The following KCNN2 variants were observed in gnomAD, a reference collection of about 807,000 sequenced individuals.
KCNN2 encodes the protein small conductance calcium-activated potassium channel protein 2.
Under a neutral mutation model 55.5 loss-of-function variants are expected in KCNN2, and 24 were observed. That is an observed-to-expected ratio of 0.43 (90% confidence interval 0.31 to 0.61). KCNN2 has a LOEUF of 0.61. Ranked by LOEUF, KCNN2 falls within the 20% of genes least tolerant of loss-of-function variation. KCNN2 has a pLI of 0.08. For missense variants in KCNN2, 754 were observed against 853.6 expected (o/e 0.88, Z 1.45); for synonymous variants, 431 against 336.1 (o/e 1.28, Z -3.09).
chr5:114,354,557 CTGAAACACTGGT>C (rs1561582174), intron 2 of KCNN2, among the ~76,000 whole-genome samples: 1 of 152,060 alleles, frequency 6.6e-6, no homozygotes. Context: ...TCTAAGGAAA[CTGAAACACTGGT>C]TGAAACACTG....
At chr5:114,081,428 C>T (rs2112541014) in intron 1 of KCNN2, among the ~76,000 whole-genome samples, 1 of 152,234 alleles carries the variant, frequency 6.6e-6, no homozygotes, top group East Asian at 1.9e-4. Context: ...GTAGTACTGG[C>T]ATACAGACAT....
Position 114,368,013 on chromosome 5 carries a change from A to G in KCNN2, c.1218+4012A>G, listed in dbSNP as rs1757653528. On this transcript the variant is annotated intron_variant, in intron 2 of 7. Transcript: ENST00000673685. ...TTTGTAATGTACAGCTGACTTTTGA[A>G]CAACATGGGTGAACTGTGTGGATCC... is the stretch of plus-strand genomic sequence containing the variant. Among the ~76,000 whole-genome samples, 3 of 152,198 alleles carry G rather than the reference A, an allele frequency of 2.0e-5. No individual in the cohort carries two copies. In the South Asian group the frequency reaches 6.2e-4, roughly 32 times the overall value.
At chr5:114,198,359 G>GGTGTGTATATATACATATATACATATAT (rs1561519182) in intron 1 of KCNN2, among the ~76,000 whole-genome samples, 8 of 145,868 alleles carry the variant, frequency 5.5e-5, no homozygotes, top group Middle Eastern at 3.4e-3. Context: ...TATATACATA[G>GGTGTGTATATATACATATATACATATAT]GTGTGTATAT....
intron 3 of KCNN2, among the ~76,000 whole-genome samples, chr5:114,447,821 C>CT (rs1760481934): frequency 6.6e-6 from 1 of 152,204 alleles, no homozygotes; most frequent in Non-Finnish European, 1.5e-5. Flanking sequence ...GAAGGGTGCG[C>CT]TTTTTCCTTT....
chr5:114,112,669 T>TC (rs11429500), intron 1 of KCNN2, among the ~76,000 whole-genome samples: 32,385 of 151,932 alleles, frequency 0.21, 3,944 homozygotes, highest in African/African-American at 0.34. Flanking sequence ...TTCAAGATTG[T>TC]ATTTGTATTA....
In KCNN2 at chr5:114,249,151, C is replaced by G. The variant is rs541797267; in HGVS notation, c.-185+27586C>G. Among the ~76,000 whole-genome samples, 5 of 152,184 alleles carry G rather than the reference C, an allele frequency of 3.3e-5. No individual in the cohort carries two copies. In the East Asian group the frequency reaches 7.7e-4, roughly 24 times the overall value. ...AAAATAGCAAGACATTCTCTAAGTT[C>G]TGCTGATGATTCAATGGAGATTAAC... On this transcript the variant is annotated intron_variant, in intron 2 of 10. Coordinates refer to the KCNN2 transcript ENST00000512097.
chr5:114,294,446 A>T (rs1345002687), intron 2 of KCNN2, among the ~76,000 whole-genome samples: 2 of 151,940 alleles, frequency 1.3e-5, no homozygotes, highest in African/African-American at 4.8e-5. Context: ...TCATTTCCTT[A>T]TGTACCCAGT....
chr5:114,312,416 CACACACACACACACACACATAT>C (rs1756409921), intron 2 of KCNN2, among the ~76,000 whole-genome samples: 10 of 77,200 alleles, frequency 1.3e-4, no homozygotes, highest in Admixed American at 9.4e-4. Flanking sequence ...CACACACACA[CACACACACACACACACACATAT>C]ATATATATAT....
At chr5:114,190,020 G>A (rs74639272) in intron 1 of KCNN2, among the ~76,000 whole-genome samples, 516 of 152,054 alleles carry the variant, frequency 3.4e-3, no homozygotes, top group African/African-American at 0.012. Context: ...TAACATCACA[G>A]CATGGAAGGA....
At chr5:114,238,898 G>A (rs572999955) in intron 2 of KCNN2, among the ~76,000 whole-genome samples, 1 of 152,160 alleles carries the variant, frequency 6.6e-6, no homozygotes, top group South Asian at 2.1e-4. Context: ...GATAATCTTT[G>A]ATGTGATTTA....
At chr5:114,373,168 G>A (rs1757813626) in intron 2 of KCNN2, among the ~76,000 whole-genome samples, 1 of 152,176 alleles carries the variant, frequency 6.6e-6, no homozygotes, top group South Asian at 2.1e-4. Context: ...TCTAGGTCCA[G>A]TGTGCCAGGT....
intron 1 of KCNN2, among the ~76,000 whole-genome samples, chr5:114,197,672 G>T (rs567374117): frequency 6.6e-6 from 1 of 152,278 alleles, no homozygotes; most frequent in East Asian, 1.9e-4. Flanking sequence ...TGCAACATGA[G>T]GCTGGGAGGC....
At chr5:114,343,715 T>C (rs1202507424) in intron 2 of KCNN2, among the ~76,000 whole-genome samples, 1 of 149,800 alleles carries the variant, frequency 6.7e-6, no homozygotes, top group Non-Finnish European at 1.5e-5. Context: ...CAACATGGTG[T>C]GGGGGGAACA....
At chr5:114,238,407 T>A (rs1376447190) in intron 2 of KCNN2, among the ~76,000 whole-genome samples, 1 of 151,970 alleles carries the variant, frequency 6.6e-6, no homozygotes, top group Non-Finnish European at 1.5e-5. Flanking sequence ...GGGTGGATTG[T>A]CTGAGCTCAG....
At chr5:114,287,023 C>A (rs192405142) in intron 2 of KCNN2, among the ~76,000 whole-genome samples, 1 of 152,260 alleles carries the variant, frequency 6.6e-6, no homozygotes, top group East Asian at 1.9e-4. Flanking sequence ...TAGAATTATA[C>A]AGTAACTGAT....
intron 2 of KCNN2, among the ~76,000 whole-genome samples, chr5:114,243,437 G>A (rs971120301): frequency 3.3e-5 from 5 of 151,862 alleles, no homozygotes; most frequent in Admixed American, 6.6e-5. Context: ...ATGAAATCTC[G>A]CAGTGTCTGG....
chr5:114,091,938 G>C (rs1183326585), intron 1 of KCNN2, among the ~76,000 whole-genome samples: 1 of 152,194 alleles, frequency 6.6e-6, no homozygotes, highest in Non-Finnish European at 1.5e-5. Context: ...GGGACACAAA[G>C]CCTAACCATA....
At chr5:114,173,911 T>C (rs985443999) in intron 1 of KCNN2, among the ~76,000 whole-genome samples, 15 of 152,038 alleles carry the variant, frequency 9.9e-5, no homozygotes, top group African/African-American at 3.1e-4. Flanking sequence ...AATAATGTTT[T>C]TTATTTTAAT....
At chr5:114,297,182 A>T (rs762286784) in intron 2 of KCNN2, among the ~76,000 whole-genome samples, 4 of 152,086 alleles carry the variant, frequency 2.6e-5, no homozygotes, top group Non-Finnish European at 4.4e-5. Flanking sequence ...CTGTGGCTGA[A>T]TGTGGTGGCG....
Sources: allele counts gnomAD v4.1 joint callset (sites outside exome capture counted in the v4.1 genomes callset), GRCh38; gene constraint gnomAD v4.1.1; transcripts MANE v1.5; gene names NCBI Gene and HGNC (gene_info 2026-07-23, HGNC 2026-07-21).